DLGAP5: variants seen among roughly 807,000 people sequenced by gnomAD.
DLGAP5 encodes the protein DLG associated protein 5, also known as disks large-associated protein 5.
A neutral mutation model predicts 99.6 loss-of-function variants in DLGAP5; 90 were observed. The ratio of observed to expected loss-of-function variants is 0.90; its 90% CI spans 0.76 to 1.08. The LOEUF (loss-of-function observed/expected upper bound fraction) is 1.08. Ranked by LOEUF, DLGAP5 falls within the 50% of genes least tolerant of loss-of-function variation. The pLI, the probability that DLGAP5 is intolerant of heterozygous loss-of-function variation, is 0.00. For synonymous variants in DLGAP5, 311 were observed against 321.3 expected (o/e 0.97, Z 0.34); for missense variants, 1,036 against 983.5 (o/e 1.05, Z -0.71).
intron 2 of DLGAP5, among the ~76,000 whole-genome samples, chr14:55,184,354 CA>C (rs1883367302): frequency 6.6e-6 from 1 of 152,198 alleles, no homozygotes; most frequent in Non-Finnish European, 1.5e-5. Flanking sequence ...CAAGTTATTT[CA>C]ACCCCTAGTC....
chr14:55,158,947 T>C lies in DLGAP5; in HGVS notation c.1654-206A>G, dbSNP rs10132251. On this transcript the variant is annotated intron_variant, in intron 13 of 18. Transcript: ENST00000247191. Reference sequence around the variant, plus strand: ...GACAGAGTTGCTGCCCTCAAGGAGTTTGCAGCTTAGTAGAAGATCTGGGAA... The same window carrying C: ...GACAGAGTTGCTGCCCTCAAGGAGTCTGCAGCTTAGTAGAAGATCTGGGAA... 0.026 allele frequency among the ~76,000 whole-genome samples: 3,930 copies of C among 152,138 alleles called. 166 individuals carry two copies. The highest frequency in any genetic ancestry group is 0.09 in the African/African-American group (3,741 of 41,476).
intron 18 of DLGAP5, among the ~76,000 whole-genome samples, chr14:55,149,814 G>A (rs960045757): frequency 2.1e-5 from 1 of 46,984 alleles, no homozygotes; most frequent in African/African-American, 2.2e-4. Context: ...GAGAATCGGG[G>A]CGGGGGGGGG....
Position 55,148,226 on chromosome 14 carries a change from CAG to C in DLGAP5, c.*123_*124del, listed in dbSNP as rs1169692086. On this transcript the variant is annotated 3_prime_UTR_variant, in exon 19 of 19. Coordinates refer to ENST00000247191, the MANE Select transcript of DLGAP5 (RefSeq NM_014750.5). Reference sequence around the variant, plus strand: ...TATCTAAAATACACTTTGATGAACACAGAATATTAAAACATTATATGCTATAG... The same window carrying C: ...TATCTAAAATACACTTTGATGAACACAATATTAAAACATTATATGCTATAG... 1 of 975,586 alleles carries C rather than the reference CAG, an allele frequency of 1.0e-6. No individual in the cohort carries two copies. The highest frequency in any genetic ancestry group is 1.5e-6 in the Non-Finnish European group (1 of 671,376). 60.4% of individuals were successfully genotyped at this position (975,586 alleles called of 1,614,324 possible).
chr14:55,166,782 A>G (rs983443507), intron 12 of DLGAP5, among the ~76,000 whole-genome samples: 10 of 151,954 alleles, frequency 6.6e-5, no homozygotes, highest in African/African-American at 2.2e-4. Flanking sequence ...TGATGGTTGC[A>G]TAACTCTGTA....
intron 13 of DLGAP5, among the ~76,000 whole-genome samples, chr14:55,159,889 G>A (rs955167976): frequency 4.6e-5 from 7 of 152,262 alleles, no homozygotes; most frequent in African/African-American, 1.7e-4. Context: ...AGGCAAAGAA[G>A]AAGGAAATAT....
At chr14:55,180,953 C>T (rs1258054733) in intron 5 of DLGAP5, among the ~76,000 whole-genome samples, 175 bp from the exon 6 acceptor site, 1 of 152,024 alleles carries the variant, frequency 6.6e-6, no homozygotes, top group East Asian at 1.9e-4. Flanking sequence ...CCCGTCTCTA[C>T]AAAAAATATA....
At chr14:55,169,304 A>G in intron 12 of DLGAP5, 95 bp downstream of exon 12, 1 of 784,084 alleles carries the variant, frequency 1.3e-6, no homozygotes, top group Admixed American at 3.2e-5. Context: ...TTACAGGTAC[A>G]TAAGCAGCTA....
At chr14:55,184,658 G>GT (rs1435222954) in intron 2 of DLGAP5, among the ~76,000 whole-genome samples, 1 of 152,154 alleles carries the variant, frequency 6.6e-6, no homozygotes, top group East Asian at 1.9e-4. Context: ...TCTGGGAGAA[G>GT]CCAGGTGCCA....
At position 55,148,289 on chromosome 14, in the gene DLGAP5, T is replaced by C. The variant is rs887645070; in HGVS notation, c.*62A>G. On this transcript the variant is annotated 3_prime_UTR_variant, in exon 19 of 19. Coordinates refer to ENST00000247191, the MANE Select transcript of DLGAP5 (RefSeq NM_014750.5). ...AAATACATTTTCTCCAAAATTTCAA[T>C]AGTCTAAGGAATATATAAGCATTGA... 3.9e-6 allele frequency: 6 copies of C among 1,521,782 alleles called. No homozygotes were observed. The South Asian group carries it at 6.0e-5, about 15-fold the overall frequency. The allele number at this position is 1,521,782 out of a possible 1,614,324, so 94.3% of individuals were successfully genotyped here. A position where few individuals can be genotyped will look rare whatever the true frequency, so the allele number is the denominator to read the frequency against.
At chr14:55,177,473 A>C in intron 7 of DLGAP5, 137 bp from the exon 8 acceptor site, 1 of 708,394 alleles carries the variant, frequency 1.4e-6, no homozygotes, top group South Asian at 2.4e-5. Context: ...AACAGATACA[A>C]TTAAGTGTAT....
Position 55,181,257 on chromosome 14 carries a change from G to A in DLGAP5, c.536C>T (p.Pro179Leu). 1.2e-6 allele frequency: 2 copies of A among 1,613,802 alleles called. No homozygotes were observed. Among genetic ancestry groups the A allele is most frequent in the South Asian group, 2.2e-5 (2 of 91,050 alleles). Reference sequence around the variant, plus strand: ...CACTTTCTTTTCAGAAGTTTGTCTTGGACCAGGTCGGATTGCTCGAACATC... The same window carrying A: ...CACTTTCTTTTCAGAAGTTTGTCTTAGACCAGGTCGGATTGCTCGAACATC... ...ESDVRAIRPG[P>L]RQTSEKKVSD... The change falls in exon 5 of 19, where the codon CCA becomes CTA. Residue 179 changes from proline to leucine, a missense_variant. By Grantham distance (98) the Pro-to-Leu change is moderately conservative. Coordinates refer to ENST00000247191, the MANE Select transcript of DLGAP5 (RefSeq NM_014750.5).
At chr14:55,157,977 G>A (rs935377516) in intron 14 of DLGAP5, among the ~76,000 whole-genome samples, 2 of 152,102 alleles carry the variant, frequency 1.3e-5, no homozygotes, top group African/African-American at 4.8e-5. Context: ...TGCCCAGGCT[G>A]GTCTCAAACT....
At position 55,156,116 on chromosome 14, in the gene DLGAP5, G is replaced by C. The variant is rs181783149; in HGVS notation, c.1874-1310C>G. Among the ~76,000 whole-genome samples, 71 of 151,616 alleles carry C rather than the reference G, an allele frequency of 4.7e-4. 1 individual carries two copies. Among genetic ancestry groups the C allele is most frequent in the Middle Eastern group, 6.8e-3 (2 of 292 alleles). On this transcript the variant is annotated intron_variant, in intron 14 of 18. Transcript: ENST00000247191. ...AAAAAAAAAAAAGAAAGAAAAATGAGAATCAACCCAATTTCTACCACATAA... is the reference window on the plus strand; with the variant it reads ...AAAAAAAAAAAAGAAAGAAAAATGACAATCAACCCAATTTCTACCACATAA...
chr14:55,158,150 T>TA lies in DLGAP5; in HGVS notation c.1873+371dup, dbSNP rs546843897. On this transcript the variant is annotated intron_variant, in intron 14 of 18. Coordinates refer to ENST00000247191, the MANE Select transcript of DLGAP5 (RefSeq NM_014750.5). The stretch of plus-strand genomic sequence containing the variant: ...GCATTATAAATTCTAACCAAACTTC[T>TA]AACTGACCTGAAGAAAATCAGTTTA... 1.8e-4 allele frequency among the ~76,000 whole-genome samples: 27 copies of TA among 152,334 alleles called. No individual in the cohort carries two copies. In the East Asian group the frequency reaches 3.3e-3, roughly 19 times the overall value.
At chr14:55,189,781 A>G (rs898296023) in intron 1 of DLGAP5, among the ~76,000 whole-genome samples, 1 of 152,168 alleles carries the variant, frequency 6.6e-6, no homozygotes, top group Non-Finnish European at 1.5e-5. Context: ...AGCTCTCCAA[A>G]CACAGGTGTT....
At position 55,183,442 on chromosome 14, in the gene DLGAP5, C is replaced by G. The variant is rs995620007; in HGVS notation, c.432+118G>C. On this transcript the variant is annotated intron_variant, in intron 3 of 18. Transcript: ENST00000247191. Reference sequence around the variant, plus strand: ...TCTTCTGAGCTACTATTATGTCATTCCCACCTTCTACCAACCAGTTAATAA... The same window carrying G: ...TCTTCTGAGCTACTATTATGTCATTGCCACCTTCTACCAACCAGTTAATAA... 9.7e-6 allele frequency: 8 copies of G among 824,894 alleles called. No homozygotes were observed. The African/African-American group carries it at 1.4e-4, about 15-fold the overall frequency. The allele number at this position is 824,894 out of a possible 1,614,324, so 51.1% of individuals were successfully genotyped here. A position where few individuals can be genotyped will look rare whatever the true frequency, so the allele number is the denominator to read the frequency against.
chr14:55,159,259 A>C (rs8011834), intron 13 of DLGAP5, among the ~76,000 whole-genome samples: 72,552 of 151,974 alleles, frequency 0.48, 18,552 homozygotes, highest in African/African-American at 0.66. Context: ...TGAAACAAAG[A>C]AAAGTGGATT....
chr14:55,150,000 C>T (rs1433561332), intron 18 of DLGAP5, among the ~76,000 whole-genome samples: 1 of 151,020 alleles, frequency 6.6e-6, no homozygotes, highest in African/African-American at 2.4e-5. Context: ...TTACAGTGGG[C>T]CAAGATCACA....
In DLGAP5 at chr14:55,154,745, T is replaced by A; in HGVS notation, c.1935A>T (p.Lys645Asn). The A allele has an allele frequency of 6.2e-7, 1 of 1,614,158 alleles. No homozygotes were observed. Among genetic ancestry groups the A allele is most frequent in the South Asian group, 1.1e-5 (1 of 91,084 alleles). Residue 645 changes from lysine to asparagine, a missense_variant, in exon 15 of 19, where the codon AAA (lysine) becomes AAT (asparagine). Lys to Asn is a moderately conservative substitution (Grantham distance 94). Coordinates refer to ENST00000247191, the MANE Select transcript of DLGAP5 (RefSeq NM_014750.5). ...QRLGTPKSVN[K>N]AVSQSRNEMG... ...TCTCATTTCTACTCTGAGATACAGCTTTGTTGACAGACTTAGGTGTTCCAA... is the reference window on the plus strand; with the variant it reads ...TCTCATTTCTACTCTGAGATACAGCATTGTTGACAGACTTAGGTGTTCCAA...
Sources: allele counts gnomAD v4.1 joint callset (sites outside exome capture counted in the v4.1 genomes callset), GRCh38; gene constraint gnomAD v4.1.1; transcripts MANE v1.5; gene names NCBI Gene and HGNC (gene_info 2026-07-23, HGNC 2026-07-21).